The following CNTN5 variants were observed in gnomAD, a reference collection of about 807,000 sequenced individuals.
CNTN5 encodes the protein contactin 5.
A neutral mutation model predicts 129.1 loss-of-function variants in CNTN5; 77 were observed. That is an observed-to-expected ratio of 0.60 (90% CI 0.50 to 0.72). The LOEUF is 0.72. Among genes scored for constraint, CNTN5 ranks in the 30% least tolerant of loss-of-function variants. The pLI is 0.00. For synonymous variants in CNTN5, 509 were observed against 465.6 expected, an observed-to-expected ratio of 1.09 and a Z score of -1.20; for missense variants, 1,478 against 1,328.8, an observed-to-expected ratio of 1.11 and a Z score of -1.75.
chr11:99,164,288 A>G (rs552529460), intron 1 of CNTN5, among the ~76,000 whole-genome samples: 2 of 145,064 alleles, frequency 1.4e-5, no homozygotes, highest in Non-Finnish European at 3.0e-5. Context: ...GCGCCACTAT[A>G]CTCCAGCCTG....
At chr11:99,382,149 C>G (rs1940604430) in intron 2 of CNTN5, among the ~76,000 whole-genome samples, 1 of 152,150 alleles carries the variant, frequency 6.6e-6, no homozygotes. Context: ...GTGTCCTATG[C>G]TTGACCTAAT....
chr11:100,356,161 ACATCTTCGT>A lies in CNTN5; in HGVS notation c.3249_3257del (p.Ser1084_Ser1086del), dbSNP rs1232475630. ...ACAGTCGACCCTTCACTCTCTCTCC[ACATCTTCGT>A]CATCAGTCACCTTGCTCTTGGCATT... is the stretch of plus-strand genomic sequence containing the variant. On this transcript the variant is annotated inframe_deletion, in exon 25 of 25. Coordinates refer to ENST00000524871, the MANE Select transcript of CNTN5 (RefSeq NM_014361.4). 1 of 1,610,554 alleles carries A rather than the reference ACATCTTCGT, an allele frequency of 6.2e-7. No homozygotes were observed. The highest frequency in any genetic ancestry group is 8.5e-7 in the Non-Finnish European group (1 of 1,178,130).
chr11:100,190,729 G>GTTT lies in CNTN5; in HGVS notation c.1581-387_1581-385dup, dbSNP rs5794041. ...TTATACTCCTCTATGTTTTTATGCT[G>GTTT]TTTTTTTTTTTTATATATGACTTTT... On this transcript the variant is annotated intron_variant, in intron 13 of 24. Transcript: ENST00000524871. Among the ~76,000 whole-genome samples, 965 of 103,036 alleles carry GTTT rather than the reference G, an allele frequency of 9.4e-3. 2 individuals carry two copies. Among genetic ancestry groups the GTTT allele is most frequent in the Non-Finnish European group, 0.013 (589 of 46,280 alleles). 67.6% of individuals were successfully genotyped at this position (103,036 alleles called of 152,430 possible). A position where few individuals can be genotyped will look rare whatever the true frequency, so the allele number is the denominator to read the frequency against.
rs1565258686 is a variant in CNTN5 at position 99,523,661 on chromosome 11, G to GA, written c.-70-32483dup. Among the ~76,000 whole-genome samples the GA allele has an allele frequency of 3.8e-3, 244 of 64,968 alleles. 1 individual carries two copies. Among genetic ancestry groups the GA allele is most frequent in the African/African-American group, 0.015 (222 of 14,334 alleles). 42.6% of individuals were successfully genotyped at this position (64,968 alleles called of 152,430 possible). A position where few individuals can be genotyped will look rare whatever the true frequency, so the allele number is the denominator to read the frequency against. On this transcript the variant is annotated intron_variant, in intron 2 of 24. Transcript: ENST00000524871. Reference sequence around the variant, plus strand: ...GAATAGAATAGAATAGAACAGAACAGATCAGAACAGAACAGAACAGAACAG... The same window carrying GA: ...GAATAGAATAGAATAGAACAGAACAGAATCAGAACAGAACAGAACAGAACAG...
intron 1 of CNTN5, among the ~76,000 whole-genome samples, chr11:99,093,326 C>A (rs928676569): frequency 1.3e-5 from 2 of 151,932 alleles, no homozygotes; most frequent in African/African-American, 4.8e-5. Context: ...TCTCTGTTGC[C>A]AGACACTAGG....
intron 2 of CNTN5, among the ~76,000 whole-genome samples, chr11:99,496,262 A>G (rs1946221019): frequency 6.6e-6 from 1 of 152,270 alleles, no homozygotes. Flanking sequence ...CTAGGAACCC[A>G]TGAAAAATGA....
At chr11:100,264,135 T>G (rs1285245124) in intron 17 of CNTN5, among the ~76,000 whole-genome samples, 1 of 152,100 alleles carries the variant, frequency 6.6e-6, no homozygotes, top group Admixed American at 6.6e-5. Context: ...ATTTAGGCAT[T>G]TGAATTATTT....
At chr11:100,282,419 C>T (rs1239489460) in intron 18 of CNTN5, among the ~76,000 whole-genome samples, 1 of 152,218 alleles carries the variant, frequency 6.6e-6, no homozygotes, top group African/African-American at 2.4e-5. Context: ...GTTCTCTTTC[C>T]TTACTTTCTC....
Position 99,529,043 on chromosome 11 carries a change from C to T in CNTN5, c.-70-27102C>T, listed in dbSNP as rs145994101. ...TGAGCCAAGATTGTGCCATTGCACTCCAGCCTGGGCAACAAGAGTGAAACT... is the reference window on the plus strand; with the variant it reads ...TGAGCCAAGATTGTGCCATTGCACTTCAGCCTGGGCAACAAGAGTGAAACT... On this transcript the variant is annotated intron_variant, in intron 2 of 24. Transcript: ENST00000524871. 9.1e-3 allele frequency among the ~76,000 whole-genome samples: 1,382 copies of T among 152,236 alleles called. 10 individuals carry two copies. Among genetic ancestry groups the T allele is most frequent in the Middle Eastern group, 0.024 (7 of 294 alleles).
chr11:99,373,711 C>CA (rs57363059), intron 2 of CNTN5, among the ~76,000 whole-genome samples: 33,900 of 95,054 alleles, frequency 0.36, 4,918 homozygotes, highest in Middle Eastern at 0.43. Flanking sequence ...AACTCCGTCT[C>CA]AAAAAAAAAA....
At chr11:99,372,262 G>A (rs544074984) in intron 2 of CNTN5, among the ~76,000 whole-genome samples, 5 of 152,144 alleles carry the variant, frequency 3.3e-5, no homozygotes, top group South Asian at 2.1e-4. Context: ...CATTTAAAAC[G>A]GTTCTGTTTT....
At chr11:99,769,815 C>CAAA (rs10667902) in intron 3 of CNTN5, among the ~76,000 whole-genome samples, 4,025 of 128,176 alleles carry the variant, frequency 0.031, 98 homozygotes, top group African/African-American at 0.057. Context: ...GACCCCGTCT[C>CAAA]AAAAAAAAAA....
At chr11:99,477,020 TA>T (rs199637736) in intron 2 of CNTN5, among the ~76,000 whole-genome samples, 3 of 151,834 alleles carry the variant, frequency 2.0e-5, no homozygotes, top group Admixed American at 6.6e-5. Context: ...AGACTTTCTT[TA>T]AAAAAAATTT....
intron 6 of CNTN5, among the ~76,000 whole-genome samples, chr11:99,877,483 G>A (rs1948663628): frequency 1.3e-5 from 2 of 152,126 alleles, no homozygotes; most frequent in African/African-American, 4.8e-5. Context: ...AAGTGACAGA[G>A]ATAAGTCTCT....
At chr11:99,781,570 C>A (rs1378472184) in intron 3 of CNTN5, among the ~76,000 whole-genome samples, 2 of 152,004 alleles carry the variant, frequency 1.3e-5, no homozygotes, top group South Asian at 2.1e-4. Flanking sequence ...ACATGCTTAC[C>A]CTCTCCTGAC....
At chr11:100,095,806 T>C (rs1164890419) in intron 13 of CNTN5, among the ~76,000 whole-genome samples, 2 of 152,126 alleles carry the variant, frequency 1.3e-5, no homozygotes, top group East Asian at 3.9e-4. Flanking sequence ...AGTTTTTATC[T>C]ACACGTGTGC....
At chr11:100,107,352 G>T (rs1285995695) in intron 13 of CNTN5, among the ~76,000 whole-genome samples, 2 of 151,880 alleles carry the variant, frequency 1.3e-5, no homozygotes, top group Admixed American at 1.3e-4. Flanking sequence ...TTAGCATGAG[G>T]TCAATAGACT....
intron 4 of CNTN5, among the ~76,000 whole-genome samples, chr11:99,834,981 T>C (rs879800773): frequency 7.2e-5 from 11 of 152,198 alleles, no homozygotes; most frequent in Admixed American, 1.3e-4. Context: ...TTCAGGAGTT[T>C]CCCTTCTTAT....
intron 21 of CNTN5, among the ~76,000 whole-genome samples, chr11:100,321,072 T>A (rs1310955110): frequency 3.9e-5 from 6 of 152,162 alleles, no homozygotes; most frequent in Non-Finnish European, 7.4e-5. Context: ...ATTTTATGAT[T>A]GTGTTTTCTA....
Sources: allele counts gnomAD v4.1 joint callset (sites outside exome capture counted in the v4.1 genomes callset), GRCh38; gene constraint gnomAD v4.1.1; transcripts MANE v1.5; gene names NCBI Gene and HGNC (gene_info 2026-07-23, HGNC 2026-07-21).